Variants in MAST4 observed in about 807,000 individuals in gnomAD.
MAST4 encodes the protein microtubule associated serine/threonine kinase family member 4.
MAST4 carries 89 observed loss-of-function variants against 162.7 expected under a neutral mutation model. The observed-to-expected ratio is 0.55, with a 90% CI of 0.46 to 0.65. MAST4 has a LOEUF of 0.65. Ranked by LOEUF, MAST4 falls within the 30% of genes least tolerant of loss-of-function variation. The pLI, the probability that MAST4 is intolerant of heterozygous loss-of-function variation, is 0.00. For missense variants in MAST4, 3,153 were observed against 3,374.0 expected (o/e 0.93, Z 1.62); for synonymous variants, 1,479 against 1,361.1 (o/e 1.09, Z -1.91).
At chr5:66,780,229 C>T (rs1374310296) in intron 2 of MAST4, among the ~76,000 whole-genome samples, 1 of 152,022 alleles carries the variant, frequency 6.6e-6, no homozygotes, top group African/African-American at 2.4e-5. Flanking sequence ...ATTCCCCACT[C>T]CCCCCAGCCC....
intron 1 of MAST4, among the ~76,000 whole-genome samples, chr5:66,731,446 C>T (rs891216692): frequency 1.0e-4 from 15 of 147,814 alleles, no homozygotes; most frequent in Non-Finnish European, 1.6e-4. Context: ...CACCAGCCTT[C>T]ACTTATGCTA....
At chr5:66,930,071 T>A (rs1363810316) in intron 4 of MAST4, among the ~76,000 whole-genome samples, 2 of 152,146 alleles carry the variant, frequency 1.3e-5, no homozygotes, top group East Asian at 3.8e-4. Flanking sequence ...CCAAGTGGAA[T>A]GAAGAAAAGA....
At chr5:66,757,784 G>T (rs1753631417) in intron 1 of MAST4, among the ~76,000 whole-genome samples, 1 of 152,164 alleles carries the variant, frequency 6.6e-6, no homozygotes, top group Non-Finnish European at 1.5e-5. Flanking sequence ...TTCTGTAGTT[G>T]CAAATGTTTT....
At chr5:66,749,612 A>G (rs2149589673) in intron 1 of MAST4, among the ~76,000 whole-genome samples, 1 of 152,360 alleles carries the variant, frequency 6.6e-6, no homozygotes, top group South Asian at 2.1e-4. Context: ...GGACAATGAT[A>G]TTAATAGTCA....
intron 11 of MAST4, among the ~76,000 whole-genome samples, chr5:67,110,914 C>T (rs1370000217): frequency 5.3e-5 from 8 of 152,136 alleles, no homozygotes; most frequent in Non-Finnish European, 1.5e-5. Flanking sequence ...ATCCCAGCTA[C>T]TTGGGAGGCT....
In MAST4 at chr5:66,992,467, C is replaced by T. The variant is rs533482866; in HGVS notation, c.675-61937C>T. 4.3e-5 allele frequency among the ~76,000 whole-genome samples: 6 copies of T among 138,174 alleles called. No individual in the cohort carries two copies. In the South Asian group the frequency reaches 9.0e-4, roughly 21 times the overall value. 90.6% of individuals were successfully genotyped at this position (138,174 alleles called of 152,430 possible). A position where few individuals can be genotyped will look rare whatever the true frequency, so the allele number is the denominator to read the frequency against. On this transcript the variant is annotated intron_variant, in intron 4 of 28. Transcript: ENST00000403625. ...GCATCATCTACTAAACTCAGACTTC[C>T]GAAGTCATGGGCAGACTTTCCCCAT...
intron 7 of MAST4, 74 bp from the exon 8 acceptor site, chr5:67,100,361 T>G (rs1395112285): frequency 2.0e-6 from 3 of 1,473,028 alleles, no homozygotes; most frequent in Non-Finnish European, 2.8e-6. Flanking sequence ...CAAGTTTAAC[T>G]CATCGATCTC....
In MAST4 at chr5:66,762,192, A is replaced by G. The variant is rs1439740358; in HGVS notation, c.517+2330A>G. On this transcript the variant is annotated intron_variant, in intron 2 of 28. Coordinates refer to ENST00000403625, the MANE Select transcript of MAST4 (RefSeq NM_001164664.2). ...CCTTAGACAATTAGTTCGCTACACA[A>G]TTACTTTTGGTAACTAAGTCTTTGG... is the stretch of plus-strand genomic sequence containing the variant. Among the ~76,000 whole-genome samples the G allele has an allele frequency of 2.6e-5, 4 of 152,306 alleles. No individual in the cohort carries two copies. The East Asian group carries it at 7.7e-4, about 29-fold the overall frequency.
intron 1 of MAST4, among the ~76,000 whole-genome samples, chr5:66,611,186 T>G (rs1277775102): frequency 6.6e-6 from 1 of 152,220 alleles, no homozygotes; most frequent in Admixed American, 6.5e-5. Flanking sequence ...TTTAAGACTT[T>G]AAATTCTCTC....
chr5:67,031,974 T>A (rs193051554), intron 4 of MAST4, among the ~76,000 whole-genome samples: 232 of 152,302 alleles, frequency 1.5e-3, no homozygotes, highest in Non-Finnish European at 2.2e-3. Flanking sequence ...ATTCAGTTAC[T>A]CATCGTGACC....
chr5:66,860,281 T>C (rs1038483607), intron 3 of MAST4, among the ~76,000 whole-genome samples: 1 of 152,186 alleles, frequency 6.6e-6, no homozygotes, highest in African/African-American at 2.4e-5. Flanking sequence ...GTGTAACACA[T>C]AGGAACTGCT....
intron 3 of MAST4, among the ~76,000 whole-genome samples, chr5:66,809,036 A>G (rs1425147740): frequency 6.6e-6 from 1 of 152,196 alleles, no homozygotes; most frequent in Non-Finnish European, 1.5e-5. Flanking sequence ...TTCTCCTTGG[A>G]TCAGAGGGAT....
At chr5:66,858,354 T>C (rs1256750867) in intron 3 of MAST4, among the ~76,000 whole-genome samples, 1 of 152,192 alleles carries the variant, frequency 6.6e-6, no homozygotes, top group African/African-American at 2.4e-5. Flanking sequence ...TTTTAATTCA[T>C]CTGATTTTTG....
chr5:67,085,864 C>T (rs1763175812), intron 5 of MAST4, among the ~76,000 whole-genome samples: 1 of 152,188 alleles, frequency 6.6e-6, no homozygotes, highest in Non-Finnish European at 1.5e-5. Context: ...GTGAGATAGA[C>T]TCAAAGTTCT....
intron 4 of MAST4, among the ~76,000 whole-genome samples, chr5:66,946,408 A>G (rs1265244660): frequency 6.6e-6 from 1 of 152,128 alleles, no homozygotes; most frequent in Non-Finnish European, 1.5e-5. Context: ...CTAATTCTAA[A>G]TTTTAGTTTC....
intron 4 of MAST4, among the ~76,000 whole-genome samples, chr5:66,983,582 T>A (rs765013685): frequency 1.4e-4 from 22 of 152,306 alleles, no homozygotes; most frequent in East Asian, 3.9e-4. Flanking sequence ...TTCACATTAA[T>A]CTTTCCATGT....
At chr5:66,745,490 G>A (rs770523047) in intron 1 of MAST4, among the ~76,000 whole-genome samples, 13 of 152,112 alleles carry the variant, frequency 8.5e-5, no homozygotes, top group African/African-American at 2.7e-4. Flanking sequence ...TCAATTAATC[G>A]ATCATCGATT....
intron 4 of MAST4, among the ~76,000 whole-genome samples, chr5:67,022,305 C>T (rs1193983958): frequency 1.3e-5 from 2 of 152,030 alleles, no homozygotes; most frequent in Non-Finnish European, 2.9e-5. Context: ...ATACATCATG[C>T]CAAGTAGCTT....
intron 5 of MAST4, among the ~76,000 whole-genome samples, chr5:67,057,623 A>G (rs1438709628): frequency 1.3e-5 from 2 of 151,644 alleles, no homozygotes; most frequent in Non-Finnish European, 2.9e-5. Flanking sequence ...AGAAAAGAAA[A>G]GAAAAGAAGG....
Sources: gnomAD v4.1 joint callset for allele counts (sites outside exome capture counted in the v4.1 genomes callset) on GRCh38, gnomAD v4.1.1 for gene constraint, MANE v1.5 for transcripts, NCBI Gene and HGNC (gene_info 2026-07-23, HGNC 2026-07-21) for gene names.